The following MEI4 variants were observed in gnomAD, a reference collection of about 807,000 sequenced individuals.
MEI4 encodes the protein meiotic double-stranded break formation protein 4.
Under a neutral mutation model 31.4 loss-of-function variants are expected in MEI4, and 27 were observed. That is an observed-to-expected ratio of 0.86 (90% CI 0.63 to 1.19). The LOEUF (loss-of-function observed/expected upper bound fraction) is 1.19. Ranked by LOEUF, MEI4 falls within the 50% of genes most tolerant of loss-of-function variation. The pLI is 0.00. For synonymous variants in MEI4, 122 were observed against 145.4 expected (o/e 0.84, Z 1.16); for missense variants, 329 against 398.9 (o/e 0.82, Z 1.49).
At chr6:77,827,887 CAG>C (rs1456318429) in intron 3 of MEI4, among the ~76,000 whole-genome samples, 3 of 152,098 alleles carry the variant, frequency 2.0e-5, no homozygotes, top group African/African-American at 7.2e-5. Flanking sequence ...CGGGGAGAAA[CAG>C]TTCATAGCTA....
At chr6:77,898,863 T>C (rs1766135148) in intron 4 of MEI4, among the ~76,000 whole-genome samples, 1 of 152,002 alleles carries the variant, frequency 6.6e-6, no homozygotes, top group Non-Finnish European at 1.5e-5. Context: ...GAAACACCTT[T>C]TAAAGAGTAA....
At chr6:77,911,419 G>A (rs1049174574) in intron 4 of MEI4, among the ~76,000 whole-genome samples, 8 of 151,830 alleles carry the variant, frequency 5.3e-5, no homozygotes, top group Non-Finnish European at 7.4e-5. Flanking sequence ...TAGTGAGCAC[G>A]GTACCCAATA....
At chr6:77,887,265 A>G (rs777409760) in intron 4 of MEI4, among the ~76,000 whole-genome samples, 1 of 151,036 alleles carries the variant, frequency 6.6e-6, no homozygotes, top group African/African-American at 2.4e-5. Context: ...ACAATTTCCA[A>G]ATATCCTCTT....
At chr6:77,899,324 T>C (rs1766143864) in intron 4 of MEI4, among the ~76,000 whole-genome samples, 1 of 152,034 alleles carries the variant, frequency 6.6e-6, no homozygotes, top group South Asian at 2.1e-4. Flanking sequence ...GAAGGAGAAA[T>C]GGATATGGCT....
At chr6:77,910,925 G>GTTTTTTTTTTTTTTTTTTT (rs58959367) in intron 4 of MEI4, among the ~76,000 whole-genome samples, 1 of 120,580 alleles carries the variant, frequency 8.3e-6, no homozygotes, top group Non-Finnish European at 1.7e-5. Context: ...CCAGCTTCTG[G>GTTTTTTTTTTTTTTTTTTT]TTTTTTTTTT....
chr6:77,841,300 G>C (rs1195520322), intron 4 of MEI4, among the ~76,000 whole-genome samples: 7 of 110,420 alleles, frequency 6.3e-5, no homozygotes, highest in South Asian at 3.0e-4. Context: ...ACTGAGAAAG[G>C]TTACAAATGT....
intron 4 of MEI4, among the ~76,000 whole-genome samples, chr6:77,892,520 G>T (rs1765983011): frequency 6.6e-6 from 1 of 151,980 alleles, no homozygotes; most frequent in Non-Finnish European, 1.5e-5. Flanking sequence ...CCCCCTTAGG[G>T]TGCATGCAGG....
At chr6:77,818,562 C>T (rs1769742440) in intron 3 of MEI4, among the ~76,000 whole-genome samples, 1 of 152,070 alleles carries the variant, frequency 6.6e-6, no homozygotes, top group African/African-American at 2.4e-5. Context: ...TATTTTAAAA[C>T]CACCACTTGC....
At chr6:77,650,866 A>G (rs892734904), upstream of MEI4, among the ~76,000 whole-genome samples, 10 of 152,210 alleles carry the variant, frequency 6.6e-5, no homozygotes, top group East Asian at 1.9e-4. Flanking sequence ...TTGACCACCA[A>G]AATGGTTCCT....
At chr6:77,864,407 C>CA (rs1267853326) in intron 4 of MEI4, among the ~76,000 whole-genome samples, 51 of 148,246 alleles carry the variant, frequency 3.4e-4, no homozygotes, top group African/African-American at 1.2e-3. Context: ...AAATGGAAAA[C>CA]AAAAAAAGGC....
intron 3 of MEI4, among the ~76,000 whole-genome samples, chr6:77,779,563 C>T (rs1768541483): frequency 6.6e-6 from 1 of 152,104 alleles, no homozygotes; most frequent in Non-Finnish European, 1.5e-5. Flanking sequence ...ATCATATTTG[C>T]ATATGATTTT....
chr6:77,744,698 A>T (rs547343980), intron 2 of MEI4, among the ~76,000 whole-genome samples: 2 of 152,216 alleles, frequency 1.3e-5, no homozygotes, highest in Non-Finnish European at 2.9e-5. Flanking sequence ...TGAAGGAAAA[A>T]TTGTTAAGGG....
intron 3 of MEI4, among the ~76,000 whole-genome samples, chr6:77,822,723 T>G (rs1769856835): frequency 6.7e-6 from 1 of 149,256 alleles, no homozygotes; most frequent in Non-Finnish European, 1.5e-5. Context: ...GGGTTCAAGC[T>G]ATTCTCCTGT....
chr6:77,656,887 A>T (rs531787285), intron 1 of MEI4, among the ~76,000 whole-genome samples: 10 of 152,344 alleles, frequency 6.6e-5, no homozygotes, highest in Admixed American at 2.6e-4. Context: ...ATAGATTTTA[A>T]AAATTACAAG....
chr6:77,743,694 A>C (rs1193527211), intron 2 of MEI4, among the ~76,000 whole-genome samples: 1 of 152,192 alleles, frequency 6.6e-6, no homozygotes, highest in Non-Finnish European at 1.5e-5. Context: ...CTGACCCCCG[A>C]GCAGCCTAAC....
intron 2 of MEI4, among the ~76,000 whole-genome samples, chr6:77,726,509 G>A (rs1766825218): frequency 6.6e-6 from 1 of 152,158 alleles, no homozygotes; most frequent in African/African-American, 2.4e-5. Context: ...GCATCAATAA[G>A]CAGGGGTTTC....
intron 4 of MEI4, among the ~76,000 whole-genome samples, chr6:77,873,839 C>G (rs1244001045): frequency 6.6e-6 from 1 of 152,180 alleles, no homozygotes; most frequent in East Asian, 1.9e-4. Context: ...CCAGTTTTCC[C>G]AGCACCATTT....
intron 2 of MEI4, among the ~76,000 whole-genome samples, chr6:77,740,387 C>T (rs1238055487): frequency 6.6e-6 from 1 of 152,084 alleles, no homozygotes; most frequent in Admixed American, 6.6e-5. Flanking sequence ...CTTTAATGAT[C>T]TGTCTAATAC....
At position 77,748,891 on chromosome 6, in the gene MEI4, G is replaced by T. The variant is rs554384897; in HGVS notation, c.233-12239G>T. 2.6e-5 allele frequency among the ~76,000 whole-genome samples: 4 copies of T among 152,308 alleles called. No individual in the cohort carries two copies. In the East Asian group the frequency reaches 7.7e-4, roughly 29 times the overall value. Reference sequence around the variant, plus strand: ...GGAGAGCTCTGGCTAGCATCTGGCAGATGCCCCTCTGGGATGAAGCTTCCA... The same window carrying T: ...GGAGAGCTCTGGCTAGCATCTGGCATATGCCCCTCTGGGATGAAGCTTCCA... On this transcript the variant is annotated intron_variant, in intron 2 of 4. Coordinates refer to ENST00000684080, the MANE Select transcript of MEI4 (RefSeq NM_001322247.2).
Sources: allele counts gnomAD v4.1 joint callset (sites outside exome capture counted in the v4.1 genomes callset), GRCh38; gene constraint gnomAD v4.1.1; transcripts MANE v1.5; gene names NCBI Gene and HGNC (gene_info 2026-07-23, HGNC 2026-07-21).